Variants in PDE4D observed in about 807,000 individuals in gnomAD.
PDE4D encodes the protein 3',5'-cyclic-AMP phosphodiesterase 4D.
PDE4D carries 24 observed loss-of-function variants against 87.4 expected under a neutral mutation model. The observed-to-expected ratio is 0.27, with a 90% CI of 0.20 to 0.39. The LOEUF is 0.39. Ranked by LOEUF, PDE4D falls within the 10% of genes least tolerant of loss-of-function variation. The pLI is 1.00. For missense variants in PDE4D, 714 were observed against 1,041.0 expected (o/e 0.69, Z 4.32); for synonymous variants, 384 against 383.2 (o/e 1.00, Z -0.02).
chr5:60,157,857 C>A (rs1274581583), intron 2 of PDE4D, among the ~76,000 whole-genome samples: 1 of 151,458 alleles, frequency 6.6e-6, no homozygotes, highest in Admixed American at 6.6e-5. Context: ...CTTTTCTTTT[C>A]TTTTTTCTTT....
At chr5:60,310,947 A>G (rs1754974912) in intron 1 of PDE4D, among the ~76,000 whole-genome samples, 2 of 152,114 alleles carry the variant, frequency 1.3e-5, no homozygotes, top group Admixed American at 1.3e-4. Flanking sequence ...TTCCCCATAC[A>G]TAGGAAATAT....
intron 2 of PDE4D, among the ~76,000 whole-genome samples, chr5:60,108,361 G>A (rs1311614246): frequency 1.3e-5 from 2 of 151,882 alleles, no homozygotes; most frequent in African/African-American, 2.4e-5. Flanking sequence ...AATAAAAGAG[G>A]ATACAAACAA....
At chr5:59,865,359 A>G (rs2152731790) in intron 1 of PDE4D, among the ~76,000 whole-genome samples, 1 of 152,306 alleles carries the variant, frequency 6.6e-6, no homozygotes, top group Middle Eastern at 3.4e-3. Context: ...ACAATAACTT[A>G]AAGTCTGTAA....
At chr5:59,365,196 T>C (rs1055389273) in intron 1 of PDE4D, among the ~76,000 whole-genome samples, 3 of 152,170 alleles carry the variant, frequency 2.0e-5, no homozygotes, top group African/African-American at 7.2e-5. Context: ...ATGAAGCTCA[T>C]GCCTGTAATC....
intron 2 of PDE4D, among the ~76,000 whole-genome samples, chr5:60,131,195 GT>G (rs1314607021): frequency 6.6e-6 from 1 of 151,858 alleles, no homozygotes; most frequent in Non-Finnish European, 1.5e-5. Flanking sequence ...AATAAACTTT[GT>G]TTTGCTTTGT....
intron 1 of PDE4D, among the ~76,000 whole-genome samples, chr5:59,693,947 T>C (rs1239041173): frequency 6.6e-6 from 1 of 152,052 alleles, no homozygotes; most frequent in Non-Finnish European, 1.5e-5. Context: ...ACATCAAAGG[T>C]TGATGCCTTA....
intron 1 of PDE4D, among the ~76,000 whole-genome samples, chr5:59,745,035 T>C (rs1285523837): frequency 1.3e-5 from 2 of 152,234 alleles, no homozygotes; most frequent in African/African-American, 4.8e-5. Context: ...TTCCATTGAT[T>C]ACCAAACTGA....
At chr5:59,429,764 G>A (rs1034090316) in intron 1 of PDE4D, among the ~76,000 whole-genome samples, 2 of 152,110 alleles carry the variant, frequency 1.3e-5, no homozygotes, top group Non-Finnish European at 2.9e-5. Flanking sequence ...ACATAAAAAG[G>A]GTGGGTCGGG....
At chr5:59,634,849 A>T (rs950292993) in intron 1 of PDE4D, among the ~76,000 whole-genome samples, 2 of 152,176 alleles carry the variant, frequency 1.3e-5, no homozygotes, top group Non-Finnish European at 2.9e-5. Context: ...GGGCAAACAC[A>T]TTCAAAAGCC....
intron 5 of PDE4D, among the ~76,000 whole-genome samples, chr5:59,043,698 C>T (rs895063474): frequency 6.6e-6 from 1 of 151,942 alleles, no homozygotes; most frequent in South Asian, 2.1e-4. Context: ...AATGCTATCC[C>T]TCCCCCTTCC....
At chr5:60,203,991 G>A (rs917102227) in intron 1 of PDE4D, among the ~76,000 whole-genome samples, 1 of 152,202 alleles carries the variant, frequency 6.6e-6, no homozygotes, top group Non-Finnish European at 1.5e-5. Flanking sequence ...TTCCTGAAGT[G>A]AGCATTAGTT....
At chr5:59,233,251 T>A (rs1221085088) in intron 1 of PDE4D, among the ~76,000 whole-genome samples, 3 of 152,192 alleles carry the variant, frequency 2.0e-5, no homozygotes, top group Non-Finnish European at 4.4e-5. Context: ...TCATTATACA[T>A]CCTATTTATG....
chr5:59,196,422 G>C (rs1403706553), intron 2 of PDE4D, among the ~76,000 whole-genome samples: 1 of 152,162 alleles, frequency 6.6e-6, no homozygotes, highest in Non-Finnish European at 1.5e-5. Context: ...TGATGCCAGG[G>C]TTGGCCAGCT....
chr5:59,803,268 A>C (rs1041049697), intron 1 of PDE4D, among the ~76,000 whole-genome samples: 1 of 151,478 alleles, frequency 6.6e-6, no homozygotes, highest in African/African-American at 2.4e-5. Flanking sequence ...CCGCAGACCT[A>C]CAAAATCAAA....
chr5:59,136,670 A>C (rs1438256629), intron 5 of PDE4D, among the ~76,000 whole-genome samples: 1 of 152,202 alleles, frequency 6.6e-6, no homozygotes, highest in Admixed American at 6.5e-5. Context: ...CTTGGAGGAT[A>C]TGCAAGAAAC....
At chr5:60,193,669 CAAAAAAAAAAA>C (rs35340734) in intron 1 of PDE4D, among the ~76,000 whole-genome samples, 1 of 46,888 alleles carries the variant, frequency 2.1e-5, no homozygotes, top group Non-Finnish European at 4.1e-5. Context: ...GACTCCGTCT[CAAAAAAAAAAA>C]AAAAAAAAAA....
intron 1 of PDE4D, among the ~76,000 whole-genome samples, chr5:59,876,292 GA>G (rs1273135031): frequency 6.6e-6 from 1 of 152,090 alleles, no homozygotes; most frequent in Non-Finnish European, 1.5e-5. Flanking sequence ...TAGTGCTGAG[GA>G]AATATGATAA....
chr5:59,953,694 A>G (rs1758536155), intron 3 of PDE4D, among the ~76,000 whole-genome samples: 1 of 152,228 alleles, frequency 6.6e-6, no homozygotes, highest in African/African-American at 2.4e-5. Flanking sequence ...TATAAATTAC[A>G]AGGAATATTA....
At chr5:59,341,013 A>G (rs996179044) in intron 1 of PDE4D, among the ~76,000 whole-genome samples, 1 of 152,226 alleles carries the variant, frequency 6.6e-6, no homozygotes, top group African/African-American at 2.4e-5. Flanking sequence ...GTATTTAAAC[A>G]TGTAATCATT....
Sources: gnomAD v4.1 joint callset for allele counts (sites outside exome capture counted in the v4.1 genomes callset) on GRCh38, gnomAD v4.1.1 for gene constraint, MANE v1.5 for transcripts, NCBI Gene and HGNC (gene_info 2026-07-23, HGNC 2026-07-21) for gene names.